The following KLC1 variants were observed in gnomAD, a reference collection of about 807,000 sequenced individuals.
KLC1 encodes kinesin 2 60/70kDa.
A neutral mutation model predicts 84.2 loss-of-function variants in KLC1; 30 were observed. That is an observed-to-expected ratio of 0.36 (90% CI 0.27 to 0.48). The LOEUF is 0.48. Among genes scored for constraint, KLC1 ranks in the 20% least tolerant of loss-of-function variants. The pLI is 0.99. For missense variants in KLC1, 499 were observed against 805.4 expected, an observed-to-expected ratio of 0.62 and a Z score of 4.60; for synonymous variants, 289 against 293.3, an observed-to-expected ratio of 0.99 and a Z score of 0.15.
Position 103,694,623 on chromosome 14 carries a change from C to T in KLC1, c.1848+2198C>T, listed in dbSNP as rs763180252. On this transcript the variant is annotated intron_variant, in intron 15 of 16. Transcript: ENST00000334553. The surrounding 1 kb of genome is among the most constrained non-coding windows in gnomAD (Gnocchi z 4.5). ...GGTGATCAGTGATTCCAAAGGCTGACGCTCAGCAGCGCCACCTCCATGCCA... is the reference window on the plus strand; with the variant it reads ...GGTGATCAGTGATTCCAAAGGCTGATGCTCAGCAGCGCCACCTCCATGCCA... 1.0e-4 allele frequency: 99 copies of T among 985,326 alleles called. No homozygotes were observed. The highest frequency in any genetic ancestry group is 1.2e-4 in the Admixed American group (2 of 16,276). 61.0% of individuals were successfully genotyped at this position (985,326 alleles called of 1,614,324 possible). A position where few individuals can be genotyped will look rare whatever the true frequency, so the allele number is the denominator to read the frequency against.
At chr14:103,645,693 T>C (rs2077862480) in intron 1 of KLC1, among the ~76,000 whole-genome samples, 1 of 151,954 alleles carries the variant, frequency 6.6e-6, no homozygotes, top group Non-Finnish European at 1.5e-5. Context: ...GCTGTAACAG[T>C]GGTAAATATT....
At chr14:103,689,369 T>C (rs1317822337) in intron 14 of KLC1, among the ~76,000 whole-genome samples, 1 of 152,156 alleles carries the variant, frequency 6.6e-6, no homozygotes, top group Non-Finnish European at 1.5e-5. Flanking sequence ...GTGTTAGAAC[T>C]GTGGTCAGTG....
chr14:103,677,971 TAAAAAA>T (rs34560300), intron 12 of KLC1, among the ~76,000 whole-genome samples: 2 of 136,248 alleles, frequency 1.5e-5, no homozygotes. Flanking sequence ...CGTCTCAATT[TAAAAAA>T]AAAAAAAAAA....
At chr14:103,638,974 C>G (rs1371561483) in intron 1 of KLC1, among the ~76,000 whole-genome samples, 1 of 152,012 alleles carries the variant, frequency 6.6e-6, no homozygotes, top group African/African-American at 2.4e-5. Context: ...GCAAAGAGAC[C>G]TTGGATTGTG....
rs1280733276 is a variant in KLC1, at chr14:103,672,999, G to A, written c.988-15G>A. 6.2e-7 allele frequency: 1 copy of A among 1,613,384 alleles called. No homozygotes were observed. On this transcript the variant is annotated splice_polypyrimidine_tract_variant and intron_variant, in intron 7 of 16. Transcript: ENST00000334553. ...GCAGAACAAGTGTCTCTAATATGCT[G>A]TTTTTTATTTTCAGGTTTTGGGGAA...
intron 13 of KLC1, among the ~76,000 whole-genome samples, chr14:103,680,067 C>T (rs2081223240): frequency 6.6e-6 from 1 of 152,250 alleles, no homozygotes; most frequent in African/African-American, 2.4e-5. Context: ...GAGCGTCCTG[C>T]ATTTCCCCTG....
Position 103,677,492 on chromosome 14 carries a change from TAGA to T in KLC1, c.1463_1465del (p.Glu488del), listed in dbSNP as rs746458185. 6.2e-7 allele frequency: 1 copy of T among 1,614,024 alleles called. No homozygotes were observed. The highest frequency in any genetic ancestry group is 8.5e-7 in the Non-Finnish European group (1 of 1,179,892). ...GGCAAATTTGAAGCTGCAGAAACGT[TAGA>T]AGAAGCTGCTATGAGGTCTCGTAAA... On this transcript the variant is annotated inframe_deletion, in exon 12 of 17. Transcript: ENST00000334553.
At chr14:103,691,155 C>CTT (rs11384297) in intron 14 of KLC1, among the ~76,000 whole-genome samples, 2,688 of 129,418 alleles carry the variant, frequency 0.021, 91 homozygotes, top group African/African-American at 0.054. Context: ...GTTCCCCCCA[C>CTT]TTTTTTTTTT....
intron 14 of KLC1, 94 bp downstream of exon 14, chr14:103,687,305 G>T: frequency 7.8e-7 from 1 of 1,275,294 alleles, no homozygotes; most frequent in Non-Finnish European, 1.1e-6. Context: ...CAGACTTGAG[G>T]AAAGACACTC....
intron 13 of KLC1, chr14:103,679,870 C>G (rs1200715677): frequency 1.2e-5 from 3 of 241,146 alleles, no homozygotes; most frequent in Admixed American, 5.4e-5. Context: ...TAACTTGCTT[C>G]TTTAACTCAC....
At chr14:103,656,185 T>C (rs573709752) in intron 2 of KLC1, among the ~76,000 whole-genome samples, 154 of 152,234 alleles carry the variant, frequency 1.0e-3, no homozygotes, top group Admixed American at 2.8e-3. Context: ...AGTGCTTACA[T>C]TGCATTGGCC....
chr14:103,685,132 C>A, intron 13 of KLC1: 1 of 1,477,796 alleles, frequency 6.8e-7, no homozygotes, highest in South Asian at 1.3e-5. Context: ...GCATTGCTGC[C>A]TGTGGAAATT....
chr14:103,658,287 G>A (rs1431279052), intron 3 of KLC1, among the ~76,000 whole-genome samples: 2 of 152,076 alleles, frequency 1.3e-5, no homozygotes, highest in Admixed American at 1.3e-4. Flanking sequence ...TTTACAAGGA[G>A]TCTCGCTCTG....
chr14:103,696,285 C>T, intron 15 of KLC1: 4 of 985,400 alleles, frequency 4.1e-6, no homozygotes, highest in Non-Finnish European at 4.8e-6. Context: ...GTGTGTGGCT[C>T]AGGGGTCCTC....
At chr14:103,667,437 A>G (rs1325744420) in intron 5 of KLC1, among the ~76,000 whole-genome samples, 1 of 149,420 alleles carries the variant, frequency 6.7e-6, no homozygotes, top group Non-Finnish European at 1.5e-5. Context: ...TGCATTTGCT[A>G]CAATTCTCCT....
intron 1 of KLC1, among the ~76,000 whole-genome samples, chr14:103,648,031 A>G (rs1169604859): frequency 6.6e-6 from 1 of 151,030 alleles, no homozygotes; most frequent in African/African-American, 2.4e-5. Context: ...GCTCACTGCA[A>G]CCTCTGCCTC....
At chr14:103,699,701 A>G (rs935325311) in intron 15 of KLC1, 17 of 885,184 alleles carry the variant, frequency 1.9e-5, no homozygotes, top group Non-Finnish European at 2.9e-5. Context: ...CACAGTGCCC[A>G]TACTCTGTAG....
rs1367175956 is a variant in KLC1, at chr14:103,662,590, T to G, written c.572-112T>G. On this transcript the variant is annotated intron_variant, in intron 4 of 16. Coordinates refer to ENST00000334553, the MANE Select transcript of KLC1 (RefSeq NM_001394837.1). ...TACTAGGAAAAGATTTAAATAGCACTGGGGGCCAAGTACTAACTTGAACCA... is the reference window on the plus strand; with the variant it reads ...TACTAGGAAAAGATTTAAATAGCACGGGGGGCCAAGTACTAACTTGAACCA... 5 of 820,162 alleles carry G rather than the reference T, an allele frequency of 6.1e-6. No individual in the cohort carries two copies. The Admixed American group carries it at 1.0e-4, about 17-fold the overall frequency. The allele number at this position is 820,162 out of a possible 1,614,324, so 50.8% of individuals were successfully genotyped here. A position where few individuals can be genotyped will look rare whatever the true frequency, so the allele number is the denominator to read the frequency against.
intron 15 of KLC1, chr14:103,698,422 A>T (rs909155330): frequency 6.3e-6 from 2 of 319,014 alleles, no homozygotes; most frequent in African/African-American, 4.3e-5. Context: ...CCCAGGGGGC[A>T]GGCCTCAGAC....
Sources: allele counts gnomAD v4.1 joint callset (sites outside exome capture counted in the v4.1 genomes callset), GRCh38; gene constraint gnomAD v4.1.1; non-coding constraint Gnocchi (gnomAD v3.1); transcripts MANE v1.5; gene names NCBI Gene and HGNC (gene_info 2026-07-23, HGNC 2026-07-21).